The following EOGT variants were observed in gnomAD, a reference collection of about 807,000 sequenced individuals.
EOGT encodes the protein EGF domain specific O-linked N-acetylglucosamine transferase.
Under a neutral mutation model 70.5 loss-of-function variants are expected in EOGT, and 55 were observed. The ratio of observed to expected loss-of-function variants is 0.78; its 90% CI spans 0.63 to 0.98. The LOEUF is 0.98. Among genes scored for constraint, EOGT ranks in the 50% least tolerant of loss-of-function variants. The probability of loss-of-function intolerance (pLI) is 0.00; values close to 1 mark genes in which losing one functional copy is unlikely to be tolerated. For missense variants in EOGT, 703 were observed against 641.9 expected (o/e 1.10, Z -1.03); for synonymous variants, 246 against 217.1 (o/e 1.13, Z -1.17).
intron 6 of EOGT, 49 bp downstream of exon 6, chr3:69,007,664 A>G (rs2091472199): frequency 7.8e-7 from 1 of 1,279,470 alleles, no homozygotes; most frequent in African/African-American, 1.5e-5. Context: ...AAATAAATAA[A>G]ATTAAAATTA....
chr3:68,998,741 C>A (rs1402393724), intron 9 of EOGT, among the ~76,000 whole-genome samples: 4 of 148,720 alleles, frequency 2.7e-5, no homozygotes, highest in African/African-American at 7.5e-5. Flanking sequence ...GAGGCTGAGG[C>A]AGGAGAATTT....
At chr3:69,008,084 T>C (rs571836222) in intron 5 of EOGT, among the ~76,000 whole-genome samples, 1 of 152,342 alleles carries the variant, frequency 6.6e-6, no homozygotes, top group Admixed American at 6.5e-5. Flanking sequence ...CATTCTTAAT[T>C]ACTATATTTT....
intron 10 of EOGT, 143 bp downstream of exon 10, chr3:68,997,868 G>A (rs775768617): frequency 3.5e-6 from 2 of 575,940 alleles, no homozygotes; most frequent in Non-Finnish European, 6.2e-6. Context: ...TATATGTACA[G>A]ATACATTCGC....
intron 11 of EOGT, 88 bp downstream of exon 11, chr3:68,988,837 A>G (rs1212862440): frequency 7.0e-6 from 5 of 712,762 alleles, no homozygotes; most frequent in Non-Finnish European, 1.1e-5. Flanking sequence ...GTAATGGCTA[A>G]TAGGAACTCA....
At chr3:68,983,187 C>T (rs1391793130) in intron 14 of EOGT, among the ~76,000 whole-genome samples, 1 of 152,182 alleles carries the variant, frequency 6.6e-6, no homozygotes, top group African/African-American at 2.4e-5. Flanking sequence ...ACAGAAATAG[C>T]TAACCATTAA....
chr3:68,991,882 T>C (rs6549167), intron 10 of EOGT, among the ~76,000 whole-genome samples: 125,703 of 152,158 alleles, frequency 0.83, 52,120 homozygotes, highest in Admixed American at 0.86. Flanking sequence ...ACTTCTTACA[T>C]GGCAGCGGCA....
intron 7 of EOGT, 119 bp from the exon 8 acceptor site, chr3:69,004,601 A>G (rs751976472): frequency 4.5e-6 from 3 of 667,334 alleles, no homozygotes; most frequent in African/African-American, 1.8e-5. Context: ...GAATTTAACT[A>G]TTTACAATAG....
intron 8 of EOGT, among the ~76,000 whole-genome samples, chr3:69,003,666 T>C (rs2091359429): frequency 6.6e-6 from 1 of 152,186 alleles, no homozygotes; most frequent in Non-Finnish European, 1.5e-5. Flanking sequence ...AAATACAAAC[T>C]TTTTAAATTC....
At chr3:68,980,438 A>C (rs376548686) in intron 15 of EOGT, among the ~76,000 whole-genome samples, 67 of 152,320 alleles carry the variant, frequency 4.4e-4, no homozygotes, top group South Asian at 2.5e-3. Flanking sequence ...TAAATCCAAG[A>C]CACTAACCAG....
intron 9 of EOGT, 131 bp downstream of exon 9, chr3:69,001,477 A>C: frequency 1.7e-6 from 1 of 588,788 alleles, no homozygotes; most frequent in South Asian, 2.2e-5. Flanking sequence ...TCTTCAGAGA[A>C]GAAAGCAAAA....
At position 68,978,478 on chromosome 3, in the gene EOGT, G is replaced by A. The variant is rs761140342; in HGVS notation, c.1335-43C>T. On this transcript the variant is annotated intron_variant, in intron 16 of 17. Transcript: ENST00000383701. The stretch of plus-strand genomic sequence containing the variant: ...TCACAACATGAGGCTTTTGTCCAAG[G>A]TTTTTTCCAAATCAACAACTCTGCG... 3.6e-6 allele frequency: 5 copies of A among 1,399,050 alleles called. No individual in the cohort carries two copies. The South Asian group carries it at 6.6e-5, about 18-fold the overall frequency. 86.7% of individuals were successfully genotyped at this position (1,399,050 alleles called of 1,614,324 possible).
intron 4 of EOGT, among the ~76,000 whole-genome samples, chr3:69,008,756 A>T (rs1405499023): frequency 6.6e-6 from 1 of 152,236 alleles, no homozygotes; most frequent in Non-Finnish European, 1.5e-5. Context: ...CCCCTAACCG[A>T]AAGTCTGGGC....
intron 17 of EOGT, 128 bp downstream of exon 17, chr3:68,978,205 A>T: frequency 1.4e-6 from 1 of 708,384 alleles, no homozygotes; most frequent in South Asian, 1.8e-5. Flanking sequence ...AAAATAAAAC[A>T]ATTCAGTATT....
At chr3:69,009,591 G>C in intron 4 of EOGT, 46 bp downstream of exon 4, 1 of 1,493,870 alleles carries the variant, frequency 6.7e-7, no homozygotes, top group South Asian at 1.1e-5. Context: ...TAAGCCAGCT[G>C]AAATTGCATC....
chr3:68,978,953 A>G (rs1480750606), intron 16 of EOGT, among the ~76,000 whole-genome samples: 1 of 151,738 alleles, frequency 6.6e-6, no homozygotes, highest in Admixed American at 6.6e-5. Flanking sequence ...TATATCATAT[A>G]TATTTTTGAA....
chr3:69,004,573 A>T, intron 7 of EOGT, 91 bp from the exon 8 acceptor site: 1 of 799,480 alleles, frequency 1.3e-6, no homozygotes, highest in Non-Finnish European at 2.1e-6. Context: ...ACCAATTTCC[A>T]AACTGAATTT....
At chr3:68,993,202 C>T (rs974416056) in intron 10 of EOGT, among the ~76,000 whole-genome samples, 5 of 152,186 alleles carry the variant, frequency 3.3e-5, no homozygotes, top group African/African-American at 1.2e-4. Flanking sequence ...TTCTATTGCA[C>T]AATCAGGCTG....
rs2090446731 is a variant in EOGT at position 68,975,311 on chromosome 3, A to C, written c.*2307T>G. 1 of 152,672 alleles carries C rather than the reference A, an allele frequency of 6.5e-6. No homozygotes were observed. Among genetic ancestry groups the C allele is most frequent in the South Asian group, 2.1e-4 (1 of 4,834 alleles). The allele number at this position is 152,672 out of a possible 1,614,324, so 9.5% of individuals were successfully genotyped here. A position where few individuals can be genotyped will look rare whatever the true frequency, so the allele number is the denominator to read the frequency against. The stretch of plus-strand genomic sequence containing the variant: ...TCCCTGTTAAAGACTTAATAAAAAG[A>C]GCAATCTTTACATTTTACAATTTGA... On this transcript the variant is annotated 3_prime_UTR_variant, in exon 18 of 18. Transcript: ENST00000383701.
At chr3:68,980,043 T>C (rs2090593066) in intron 15 of EOGT, among the ~76,000 whole-genome samples, 1 of 152,200 alleles carries the variant, frequency 6.6e-6, no homozygotes, top group Non-Finnish European at 1.5e-5. Flanking sequence ...GAAACTTTAA[T>C]ATCTGTCTTA....
Sources: allele counts gnomAD v4.1 joint callset (sites outside exome capture counted in the v4.1 genomes callset), GRCh38; gene constraint gnomAD v4.1.1; transcripts MANE v1.5; gene names NCBI Gene and HGNC (gene_info 2026-07-23, HGNC 2026-07-21).